Variants in REST observed in about 807,000 individuals in gnomAD.
REST encodes RE1 silencing transcription factor.
Under a neutral mutation model 30.4 loss-of-function variants are expected in REST, and 1 was observed. That is an observed-to-expected ratio of 0.03 (90% CI 0.01 to 0.16). REST has a LOEUF of 0.16. REST is among the 10% of genes least tolerant of loss of function. The probability of loss-of-function intolerance (pLI) is 1.00; values close to 1 mark genes in which losing one functional copy is unlikely to be tolerated. For missense variants in REST, 1,259 were observed against 1,329.5 expected, an observed-to-expected ratio of 0.95 and a Z score of 0.82; for synonymous variants, 504 against 451.1, an observed-to-expected ratio of 1.12 and a Z score of -1.49.
At chr4:56,922,593 G>A (rs1234293534) in intron 3 of REST, among the ~76,000 whole-genome samples, 1 of 152,212 alleles carries the variant, frequency 6.6e-6, no homozygotes, top group South Asian at 2.1e-4. Flanking sequence ...GATTACAGGC[G>A]TGAGCCACTG....
At chr4:56,914,684 G>A (rs952165480) in intron 2 of REST, among the ~76,000 whole-genome samples, 1 of 152,048 alleles carries the variant, frequency 6.6e-6, no homozygotes, top group Admixed American at 6.6e-5. Context: ...TATTCATTTA[G>A]CTGGGATTAC....
intron 3 of REST, among the ~76,000 whole-genome samples, chr4:56,927,182 C>T (rs890424601): frequency 6.6e-6 from 1 of 152,104 alleles, no homozygotes; most frequent in Non-Finnish European, 1.5e-5. Flanking sequence ...TTGCAGAGCT[C>T]ATGTTTTATC....
chr4:56,917,574 G>A (rs986620310), intron 2 of REST, among the ~76,000 whole-genome samples: 1 of 151,968 alleles, frequency 6.6e-6, no homozygotes, highest in African/African-American at 2.4e-5. Flanking sequence ...ATTTATTGAG[G>A]GCTTTACTAT....
chr4:56,908,620 G>A (rs1410113472), intron 1 of REST, among the ~76,000 whole-genome samples: 11 of 152,036 alleles, frequency 7.2e-5, no homozygotes, highest in Admixed American at 7.2e-4. Flanking sequence ...GCCCCGCGCC[G>A]GCCCGCGGCC....
At chr4:56,928,592 T>C (rs1720814117) in intron 3 of REST, among the ~76,000 whole-genome samples, 1 of 150,604 alleles carries the variant, frequency 6.6e-6, no homozygotes, top group Non-Finnish European at 1.5e-5. Context: ...ATTTTTTTTT[T>C]TTTTTCTTTT....
rs1719702464 is a variant in REST at position 56,908,097 on chromosome 4, G to A, written c.-126G>A. 3.1e-6 allele frequency: 1 copy of A among 325,608 alleles called. No individual in the cohort carries two copies. Among genetic ancestry groups the A allele is most frequent in the Non-Finnish European group, 5.6e-6 (1 of 178,224 alleles). The allele number at this position is 325,608 out of a possible 1,614,324, so 20.2% of individuals were successfully genotyped here. A position where few individuals can be genotyped will look rare whatever the true frequency, so the allele number is the denominator to read the frequency against. The stretch of plus-strand genomic sequence containing the variant: ...GCCTTCTTGGTCCACGACGGCCCCA[G>A]CACCCAACTTTACCACCCTCCCCCA... On this transcript the variant is annotated 5_prime_UTR_variant, in exon 1 of 4. Coordinates refer to ENST00000309042, the MANE Select transcript of REST (RefSeq NM_005612.5).
intron 2 of REST, 64 bp from the exon 3 acceptor site, chr4:56,919,719 TGTTA>T: frequency 1.1e-6 from 1 of 952,032 alleles, no homozygotes. Flanking sequence ...ATTGTTGCAT[TGTTA>T]GTGAGAATTG....
intron 3 of REST, among the ~76,000 whole-genome samples, chr4:56,923,483 C>T (rs1720543485): frequency 6.6e-6 from 1 of 152,114 alleles, no homozygotes; most frequent in Admixed American, 6.5e-5. Flanking sequence ...TCGCTCTTGT[C>T]ACCCAGCTAG....
intron 2 of REST, among the ~76,000 whole-genome samples, chr4:56,913,583 C>G (rs1720033158): frequency 6.6e-6 from 1 of 152,266 alleles, no homozygotes; most frequent in African/African-American, 2.4e-5. Context: ...GACTGAACCC[C>G]ACTGGTAAAG....
Position 56,930,548 on chromosome 4 carries a change from A to C in REST, c.1690A>C (p.Lys564Gln). 1.2e-6 allele frequency: 2 copies of C among 1,611,836 alleles called. No homozygotes were observed. Among genetic ancestry groups the C allele is most frequent in the Non-Finnish European group, 1.7e-6 (2 of 1,179,512 alleles). ...TCAGGAAGTGCCAAAGGGTGACAGC[A>C]AAGTGGAGGAGAATAAAAAGCAAAA... is the stretch of plus-strand genomic sequence containing the variant. ...NSQEVPKGDS[K>Q]VEENKKQNTC... The change falls in exon 4 of 4, where the codon AAA becomes CAA. Residue 564 changes from lysine (K) to glutamine (Q), a missense_variant. Transcript: ENST00000309042.
chr4:56,909,830 T>A (rs3755901), intron 1 of REST, among the ~76,000 whole-genome samples: 11,179 of 152,280 alleles, frequency 0.073, 463 homozygotes, highest in African/African-American at 0.09. Flanking sequence ...TCAAGCACAA[T>A]GCAAGAAAGT....
Position 56,932,293 on chromosome 4 carries a change from C to T in REST, c.*141C>T. On this transcript the variant is annotated 3_prime_UTR_variant, in exon 4 of 4. Coordinates refer to ENST00000309042, the MANE Select transcript of REST (RefSeq NM_005612.5). Reference sequence around the variant, plus strand: ...TTAAGTGGCATTCTTTTCCTTAGGACTTTTTATGTATACCTGTTGATTGTT... The same window carrying T: ...TTAAGTGGCATTCTTTTCCTTAGGATTTTTTATGTATACCTGTTGATTGTT... 1 of 877,952 alleles carries T rather than the reference C, an allele frequency of 1.1e-6. No individual in the cohort carries two copies. Among genetic ancestry groups the T allele is most frequent in the Non-Finnish European group, 1.7e-6 (1 of 590,538 alleles). The allele number at this position is 877,952 out of a possible 1,614,324, so 54.4% of individuals were successfully genotyped here. A position where few individuals can be genotyped will look rare whatever the true frequency, so the allele number is the denominator to read the frequency against.
chr4:56,916,158 A>G (rs1233776510), intron 2 of REST, among the ~76,000 whole-genome samples: 2 of 151,874 alleles, frequency 1.3e-5, no homozygotes. Context: ...TGCAACCTCC[A>G]CCAAAAGGGT....
At chr4:56,922,608 C>T (rs924873385) in intron 3 of REST, among the ~76,000 whole-genome samples, 2 of 152,126 alleles carry the variant, frequency 1.3e-5, no homozygotes, top group Admixed American at 6.6e-5. Context: ...CCACTGCTCC[C>T]GGCCAAGAGC....
chr4:56,924,343 T>C (rs1458349692), intron 3 of REST, among the ~76,000 whole-genome samples: 2 of 152,242 alleles, frequency 1.3e-5, no homozygotes, highest in African/African-American at 4.8e-5. Flanking sequence ...TCAGTGACTA[T>C]GCTTTCACCT....
Position 56,930,705 on chromosome 4 carries a change from C to T in REST, c.1847C>T (p.Ala616Val). 1 of 1,608,240 alleles carries T rather than the reference C, an allele frequency of 6.2e-7. No individual in the cohort carries two copies. Among genetic ancestry groups the T allele is most frequent in the Non-Finnish European group, 8.5e-7 (1 of 1,178,558 alleles). The change falls in exon 4 of 4, where the codon GCT becomes GTT. Residue 616 changes from alanine to valine, a missense_variant. By Grantham distance (64) the Ala-to-Val change is moderately conservative. This residue lies in a region of REST where 856 missense variants were observed against 772.8 expected (regional missense o/e 1.11). Transcript: ENST00000309042. ...ATGGACCCTCCTCAGATGGGGCCTG[C>T]TCCCACAGAGGCGGTTCAGAAGGGG... is the stretch of plus-strand genomic sequence containing the variant. ...AQMDPPQMGP[A>V]PTEAVQKGPV...
At chr4:56,908,277 T>A (rs1395943380) in intron 1 of REST, 64 bp downstream of exon 1, 3 of 127,890 alleles carry the variant, frequency 2.3e-5, no homozygotes, top group African/African-American at 8.7e-5. Flanking sequence ...GCGGCGGCAG[T>A]GGCGGGACGG....
At chr4:56,929,616 T>A (rs1365079749) in intron 3 of REST, among the ~76,000 whole-genome samples, 1 of 144,684 alleles carries the variant, frequency 6.9e-6, no homozygotes, top group Non-Finnish European at 1.5e-5. Flanking sequence ...GGACTCTAAC[T>A]TGAACTTTTT....
Position 56,931,266 on chromosome 4 carries a change from C to T in REST, c.2408C>T (p.Pro803Leu). ...AGGGAGCCACCTCCTCCCAGAGAGCCTCCCCTTCACATGGAGCCAATTTCC... is the reference window on the plus strand; with the variant it reads ...AGGGAGCCACCTCCTCCCAGAGAGCTTCCCCTTCACATGGAGCCAATTTCC... ...AQREPPPPRE[P>L]PLHMEPISKK... is the part of the protein sequence containing the mutation. The change falls in exon 4 of 4, where the codon CCT becomes CTT. Residue 803 changes from proline to leucine, a missense_variant. By Grantham distance (98) the Pro-to-Leu change is moderately conservative (BLOSUM62 -3). Coordinates refer to ENST00000309042, the MANE Select transcript of REST (RefSeq NM_005612.5). The T allele has an allele frequency of 6.2e-7, 1 of 1,614,242 alleles. No homozygotes were observed. The highest frequency in any genetic ancestry group is 1.1e-5 in the South Asian group (1 of 91,086).
Sources: gnomAD v4.1 joint callset for allele counts (sites outside exome capture counted in the v4.1 genomes callset) on GRCh38, gnomAD v4.1.1 for gene constraint, gnomAD v4.1.1 regional missense constraint, MANE v1.5 for transcripts, NCBI Gene and HGNC (gene_info 2026-07-23, HGNC 2026-07-21) for gene names.